Variants in SDK1 observed in about 807,000 individuals in gnomAD.
SDK1 encodes protein sidekick-1.
A neutral mutation model predicts 245.5 loss-of-function variants in SDK1; 157 were observed. The observed-to-expected ratio is 0.64, with a 90% CI of 0.56 to 0.73. The LOEUF (loss-of-function observed/expected upper bound fraction) is 0.73. Among genes scored for constraint, SDK1 ranks in the 30% least tolerant of loss-of-function variants. SDK1 has a pLI of 0.00. For missense variants in SDK1, 3,583 were observed against 3,002.3 expected (o/e 1.19, Z -4.52); for synonymous variants, 1,647 against 1,278.5 (o/e 1.29, Z -6.15).
intron 1 of SDK1, among the ~76,000 whole-genome samples, chr7:3,439,524 A>C (rs1308712169): frequency 6.6e-6 from 1 of 152,200 alleles, no homozygotes; most frequent in East Asian, 1.9e-4. Context: ...AGCTAAATCC[A>C]GATTGCAACA....
At chr7:3,398,269 T>G (rs1583798501) in intron 1 of SDK1, among the ~76,000 whole-genome samples, 1 of 152,228 alleles carries the variant, frequency 6.6e-6, no homozygotes, top group South Asian at 2.1e-4. Flanking sequence ...GCTATTTTAG[T>G]TGTAATCCAC....
intron 5 of SDK1, among the ~76,000 whole-genome samples, chr7:3,823,273 A>T (rs1779691490): frequency 1.3e-5 from 2 of 152,324 alleles, no homozygotes; most frequent in African/African-American, 4.8e-5. Context: ...TCCAAACTTT[A>T]CAGGTAGAGC....
chr7:3,627,117 C>G (rs1286743968), intron 2 of SDK1, among the ~76,000 whole-genome samples: 3 of 151,994 alleles, frequency 2.0e-5, no homozygotes, highest in African/African-American at 7.3e-5. Flanking sequence ...TCTGTAGACA[C>G]AGGGTTTCAC....
chr7:4,196,166 C>G (rs1375373138), intron 35 of SDK1, among the ~76,000 whole-genome samples: 1 of 152,178 alleles, frequency 6.6e-6, no homozygotes, highest in Non-Finnish European at 1.5e-5. Flanking sequence ...TGACTTAACC[C>G]CTCAAGGCCT....
At chr7:4,074,884 C>A (rs866170275) in intron 20 of SDK1, among the ~76,000 whole-genome samples, 28 of 62,416 alleles carry the variant, frequency 4.5e-4, no homozygotes, top group African/African-American at 2.6e-3. Context: ...CTCTCTCTCT[C>A]TGTATATATA....
chr7:3,985,603 G>C (rs1041632119), intron 13 of SDK1, among the ~76,000 whole-genome samples: 1 of 152,184 alleles, frequency 6.6e-6, no homozygotes. Flanking sequence ...AGCCTGGACA[G>C]TATAGTGAGG....
chr7:3,864,290 C>G (rs1205973900), intron 5 of SDK1, among the ~76,000 whole-genome samples: 3 of 152,086 alleles, frequency 2.0e-5, no homozygotes, highest in African/African-American at 7.2e-5. Flanking sequence ...GTTTCCTATT[C>G]TGTTCTCTTT....
intron 1 of SDK1, among the ~76,000 whole-genome samples, chr7:3,383,373 T>C (rs1166570472): frequency 2.6e-5 from 4 of 152,098 alleles, no homozygotes; most frequent in East Asian, 1.9e-4. Flanking sequence ...ATTGTGCCAC[T>C]GCACTCCAGC....
chr7:3,473,435 G>A (rs959102660), intron 1 of SDK1, among the ~76,000 whole-genome samples: 1 of 152,184 alleles, frequency 6.6e-6, no homozygotes, highest in African/African-American at 2.4e-5. Context: ...GTAGATGTGT[G>A]TTTAGTGTAT....
At chr7:4,255,730 C>G (rs971487285) in intron 44 of SDK1, among the ~76,000 whole-genome samples, 3 of 152,116 alleles carry the variant, frequency 2.0e-5, no homozygotes, top group Admixed American at 2.0e-4. Flanking sequence ...ACCAGCAGCC[C>G]TGCCTTGTTG....
chr7:4,175,636 T>C, intron 33 of SDK1, 139 bp from the exon 34 acceptor site: 1 of 753,892 alleles, frequency 1.3e-6, no homozygotes, highest in Non-Finnish European at 2.4e-6. Flanking sequence ...AGCGGGGTCT[T>C]TATTGCCCCG....
chr7:3,682,913 T>C (rs951975282), intron 4 of SDK1, among the ~76,000 whole-genome samples: 1 of 152,076 alleles, frequency 6.6e-6, no homozygotes, highest in Non-Finnish European at 1.5e-5. Flanking sequence ...TTTGTACTTT[T>C]AGTAGAGACG....
intron 1 of SDK1, among the ~76,000 whole-genome samples, chr7:3,604,767 T>A (rs966952563): frequency 6.6e-6 from 1 of 151,774 alleles, no homozygotes; most frequent in Admixed American, 6.6e-5. Flanking sequence ...TACGGCAGGC[T>A]AATTTTGTAT....
chr7:3,771,473 C>G (rs115248071), intron 4 of SDK1, among the ~76,000 whole-genome samples: 1 of 152,144 alleles, frequency 6.6e-6, no homozygotes, highest in East Asian at 1.9e-4. Context: ...AACTCACCCT[C>G]ATTGTTGTGC....
chr7:3,383,859 T>C (rs970237806), intron 1 of SDK1, among the ~76,000 whole-genome samples: 1 of 152,240 alleles, frequency 6.6e-6, no homozygotes, highest in African/African-American at 2.4e-5. Flanking sequence ...AATAGTGCCT[T>C]TAAAAATATT....
In SDK1 at chr7:3,664,400, A is replaced by G. The variant is rs575413178; in HGVS notation, c.713+22295A>G. 7.2e-4 allele frequency among the ~76,000 whole-genome samples: 109 copies of G among 152,200 alleles called. No homozygotes were observed. In the South Asian group the frequency reaches 7.5e-3, roughly 10 times the overall value. ...TGTGTACTCTGGTCCCTGTATGTAT[A>G]TTTTCTTCTGGAATATTACAGCCTT... On this transcript the variant is annotated intron_variant, in intron 4 of 44. Transcript: ENST00000404826.
intron 10 of SDK1, 59 bp from the exon 11 acceptor site, chr7:3,969,198 T>G: frequency 4.9e-6 from 7 of 1,426,998 alleles, no homozygotes; most frequent in Non-Finnish European, 5.6e-6. Flanking sequence ...CTAACCACTA[T>G]CTTCATTTCC....
chr7:4,139,475 GTA>G (rs1184977372), intron 28 of SDK1, among the ~76,000 whole-genome samples: 7 of 135,180 alleles, frequency 5.2e-5, no homozygotes, highest in South Asian at 2.6e-4. Context: ...ATATGTGTGT[GTA>G]TATGTGTGTG....
At chr7:3,331,136 C>T (rs565608996) in intron 1 of SDK1, among the ~76,000 whole-genome samples, 15 of 151,986 alleles carry the variant, frequency 9.9e-5, no homozygotes, top group South Asian at 2.1e-4. Context: ...TGGTGGTGTG[C>T]GCCTGTAATC....
Sources: allele counts gnomAD v4.1 joint callset (sites outside exome capture counted in the v4.1 genomes callset), GRCh38; gene constraint gnomAD v4.1.1; transcripts MANE v1.5; gene names NCBI Gene and HGNC (gene_info 2026-07-23, HGNC 2026-07-21).